Variants in AKT3 observed in about 807,000 individuals in gnomAD.
AKT3 encodes the protein RAC-gamma serine/threonine-protein kinase.
In AKT3, 15 loss-of-function variants were observed where a neutral mutation model predicts 65.3. The ratio of observed to expected loss-of-function variants is 0.23; its 90% confidence interval spans 0.15 to 0.35. The LOEUF is 0.35. AKT3 is among the 10% of genes least tolerant of loss of function. The probability of loss-of-function intolerance (pLI) is 1.00; values close to 1 mark genes in which losing one functional copy is unlikely to be tolerated. For missense variants in AKT3, 243 were observed against 576.5 expected (o/e 0.42, Z 5.92); for synonymous variants, 206 against 183.8 (o/e 1.12, Z -0.98).
At chr1:243,741,313 G>A (rs1572259727) in intron 2 of AKT3, among the ~76,000 whole-genome samples, 1 of 152,222 alleles carries the variant, frequency 6.6e-6, no homozygotes, top group East Asian at 1.9e-4. Context: ...AAGTGACACT[G>A]AATCACCCAT....
intron 8 of AKT3, among the ~76,000 whole-genome samples, chr1:243,602,432 T>C (rs1243397244): frequency 1.3e-5 from 2 of 152,178 alleles, no homozygotes; most frequent in Non-Finnish European, 2.9e-5. Flanking sequence ...GATGTTTATA[T>C]ACCTGAAAAC....
chr1:243,500,573 AACGGAC>A lies in AKT3; in HGVS notation c.*4670_*4675del, dbSNP rs1459965105. The A allele has an allele frequency of 1.7e-5, 4 of 228,678 alleles. No individual in the cohort carries two copies. Among genetic ancestry groups the A allele is most frequent in the African/African-American group, 8.9e-5 (4 of 45,120 alleles). The allele number at this position is 228,678 out of a possible 1,614,324, so 14.2% of individuals were successfully genotyped here. On this transcript the variant is annotated 3_prime_UTR_variant, in exon 14 of 14. Transcript: ENST00000673466. ...CCCTCAAATGCTTTAAAGTAATAAA[AACGGAC>A]ACTGGACATACCGTGTTGTATCTGA...
chr1:243,700,362 T>C (rs1326348447), intron 2 of AKT3, among the ~76,000 whole-genome samples: 1 of 152,198 alleles, frequency 6.6e-6, no homozygotes, highest in East Asian at 1.9e-4. Context: ...CTTTGCCACC[T>C]TTCTTACTTC....
At chr1:243,517,131 T>C (rs143076683) in intron 12 of AKT3, among the ~76,000 whole-genome samples, 1 of 150,868 alleles carries the variant, frequency 6.6e-6, no homozygotes, top group Non-Finnish European at 1.5e-5. Context: ...AACTTGGGGA[T>C]TTTCCATAGA....
chr1:243,488,894 C>T (rs1665682327), intron 13 of AKT3: 4 of 1,432,660 alleles, frequency 2.8e-6, no homozygotes, highest in Non-Finnish European at 3.9e-6. Flanking sequence ...ACCTCAGGGT[C>T]ACCCTAGGCG....
intron 2 of AKT3, among the ~76,000 whole-genome samples, chr1:243,812,588 C>G (rs1693233936): frequency 6.6e-6 from 1 of 152,156 alleles, no homozygotes; most frequent in East Asian, 1.9e-4. Context: ...TAAACTGGTT[C>G]AACCATTGTG....
intron 2 of AKT3, among the ~76,000 whole-genome samples, chr1:243,706,131 G>A (rs1447143174): frequency 1.3e-5 from 2 of 152,134 alleles, no homozygotes; most frequent in Non-Finnish European, 2.9e-5. Context: ...TGGAAGCAGT[G>A]AGTCCATAAC....
At chr1:243,764,581 A>T (rs1033527514) in intron 2 of AKT3, among the ~76,000 whole-genome samples, 9 of 152,146 alleles carry the variant, frequency 5.9e-5, no homozygotes, top group African/African-American at 2.2e-4. Context: ...TCCTATTAAC[A>T]TTTTAAATAT....
intron 2 of AKT3, among the ~76,000 whole-genome samples, chr1:243,803,294 C>T (rs1338022734): frequency 6.6e-6 from 1 of 152,104 alleles, no homozygotes; most frequent in Non-Finnish European, 1.5e-5. Context: ...GCCAGCTGTA[C>T]CTTCTCTTCC....
At chr1:243,660,107 T>A (rs998509733) in intron 4 of AKT3, among the ~76,000 whole-genome samples, 9 of 151,980 alleles carry the variant, frequency 5.9e-5, no homozygotes, top group Non-Finnish European at 8.8e-5. Context: ...ATCCATCTGG[T>A]CCTGGACTCT....
chr1:243,699,513 A>ATATATATATATATATATAT (rs1685303642), intron 2 of AKT3, among the ~76,000 whole-genome samples: 14 of 117,802 alleles, frequency 1.2e-4, no homozygotes, highest in African/African-American at 2.0e-4. Flanking sequence ...ATATATATAT[A>ATATATATATATATATATAT]ATCTTCATGG....
At chr1:243,564,614 C>T (rs1038125343) in intron 9 of AKT3, among the ~76,000 whole-genome samples, 2 of 152,170 alleles carry the variant, frequency 1.3e-5, no homozygotes, top group African/African-American at 4.8e-5. Flanking sequence ...TTAGAAATAA[C>T]AATGTAACCA....
At chr1:243,752,072 T>A (rs569594463) in intron 2 of AKT3, among the ~76,000 whole-genome samples, 1 of 152,212 alleles carries the variant, frequency 6.6e-6, no homozygotes, top group East Asian at 1.9e-4. Context: ...TCCAAAACAG[T>A]GCAGGTTGGG....
chr1:243,626,985 G>GT (rs576506466), intron 6 of AKT3, among the ~76,000 whole-genome samples: 202 of 152,292 alleles, frequency 1.3e-3, no homozygotes, highest in Middle Eastern at 6.8e-3. Context: ...ATTTGAAACA[G>GT]TATCATGGTG....
intron 2 of AKT3, among the ~76,000 whole-genome samples, chr1:243,744,600 G>A (rs1377370586): frequency 9.9e-5 from 15 of 151,046 alleles, no homozygotes; most frequent in African/African-American, 3.1e-4. Flanking sequence ...TTAGCCGGGC[G>A]TAGTGGCGGG....
At chr1:243,564,536 G>A (rs1188225410) in intron 9 of AKT3, among the ~76,000 whole-genome samples, 3 of 152,116 alleles carry the variant, frequency 2.0e-5, no homozygotes, top group African/African-American at 7.2e-5. Context: ...CCAAGTAACA[G>A]GATCATGTGC....
chr1:243,667,399 T>C (rs1021423376), intron 3 of AKT3, among the ~76,000 whole-genome samples: 9 of 152,118 alleles, frequency 5.9e-5, no homozygotes, highest in African/African-American at 2.2e-4. Flanking sequence ...GCTTCCTCTA[T>C]CTCACATGAC....
chr1:243,599,027 A>C (rs1473054863), intron 8 of AKT3, among the ~76,000 whole-genome samples: 5 of 152,140 alleles, frequency 3.3e-5, no homozygotes, highest in Admixed American at 3.3e-4. Flanking sequence ...TGTTATTTTT[A>C]TCGTGGTGAT....
chr1:243,536,460 T>G (rs1400630532), intron 12 of AKT3, among the ~76,000 whole-genome samples: 2 of 152,190 alleles, frequency 1.3e-5, no homozygotes, highest in African/African-American at 4.8e-5. Flanking sequence ...CAAATAAATA[T>G]GTTTCTCATT....
Sources: gnomAD v4.1 joint callset for allele counts (sites outside exome capture counted in the v4.1 genomes callset) on GRCh38, gnomAD v4.1.1 for gene constraint, MANE v1.5 for transcripts, NCBI Gene and HGNC (gene_info 2026-07-23, HGNC 2026-07-21) for gene names.